Variants in KLF8 observed in about 807,000 individuals in gnomAD.
KLF8 encodes KLF transcription factor 8.
KLF8 carries 10 observed loss-of-function variants against 18.2 expected under a neutral mutation model. The ratio of observed to expected loss-of-function variants is 0.55; its 90% CI spans 0.34 to 0.93. The LOEUF is 0.93. Ranked by LOEUF, KLF8 falls within the 40% of genes least tolerant of loss-of-function variation. The probability of loss-of-function intolerance (pLI) is 0.02; values close to 1 mark genes in which losing one functional copy is unlikely to be tolerated. For synonymous variants in KLF8, 109 were observed against 97.3 expected, an observed-to-expected ratio of 1.12 and a Z score of -0.71; for missense variants, 264 against 277.9, an observed-to-expected ratio of 0.95 and a Z score of 0.36.
chrX:56,284,067 T>C (rs1338936488), intron 5 of KLF8, among the ~76,000 whole-genome samples: 1 of 112,314 alleles, frequency 8.9e-6, no homozygotes, highest in Non-Finnish European at 1.9e-5. Context: ...ATATAGGTAA[T>C]ATGTATGTTA....
chrX:56,083,427 A>G, the KLF8 span, among the ~76,000 whole-genome samples: 2 of 112,319 alleles, frequency 1.8e-5, no homozygotes, highest in African/African-American at 6.5e-5. Flanking sequence ...TATTTTATAC[A>G]GTAAATTAAT....
the KLF8 span, among the ~76,000 whole-genome samples, chrX:55,990,952 C>A: frequency 8.9e-6 from 1 of 112,411 alleles, no homozygotes; most frequent in African/African-American, 3.2e-5. Flanking sequence ...GGGTCAGGGA[C>A]CCACTTGAGG....
chrX:56,058,309 T>C, the KLF8 span, among the ~76,000 whole-genome samples: 34 of 79,180 alleles, frequency 4.3e-4, no homozygotes, highest in Non-Finnish European at 7.8e-4. Context: ...TATATATATA[T>C]ATATATATAT....
chrX:56,019,695 A>G, the KLF8 span, among the ~76,000 whole-genome samples: 9 of 112,228 alleles, frequency 8.0e-5, no homozygotes, highest in African/African-American at 2.6e-4. Flanking sequence ...TATAGAAGTA[A>G]TAGTAGACTT....
chrX:56,003,240 G>GAAAAAC, the KLF8 span, among the ~76,000 whole-genome samples: 1 of 109,055 alleles, frequency 9.2e-6, no homozygotes, highest in Admixed American at 9.8e-5. Context: ...AAAATACAAA[G>GAAAAAC]AAAAACAAAA....
At chrX:56,161,960 C>T in the KLF8 span, among the ~76,000 whole-genome samples, 5 of 111,644 alleles carry the variant, frequency 4.5e-5, no homozygotes, top group East Asian at 2.8e-4. Context: ...TGTGGATGTC[C>T]CTTCTGTTTG....
chrX:56,174,459 G>C, the KLF8 span, among the ~76,000 whole-genome samples: 1 of 111,834 alleles, frequency 8.9e-6, no homozygotes, highest in Non-Finnish European at 1.9e-5. Flanking sequence ...CTTGATCATG[G>C]TTGATAAGCT....
the KLF8 span, among the ~76,000 whole-genome samples, chrX:56,093,529 A>G: frequency 1.8e-3 from 205 of 110,915 alleles, no homozygotes; most frequent in African/African-American, 6.1e-3. Flanking sequence ...ATGCCAATAG[A>G]CCTGCCTTAC....
chrX:56,136,014 A>G, the KLF8 span, among the ~76,000 whole-genome samples: 122 of 111,658 alleles, frequency 1.1e-3, no homozygotes, highest in Non-Finnish European at 1.9e-4. Flanking sequence ...CTTCAAAGAG[A>G]ATAAAATACC....
At chrX:56,045,173 T>G in the KLF8 span, among the ~76,000 whole-genome samples, 1,330 of 111,605 alleles carry the variant, frequency 0.012, 18 homozygotes, top group African/African-American at 0.042. Context: ...TCACTTTATG[T>G]TTTTGTTTGT....
At chrX:56,115,947 T>C in the KLF8 span, among the ~76,000 whole-genome samples, 1 of 112,681 alleles carries the variant, frequency 8.9e-6, no homozygotes, top group African/African-American at 3.2e-5. Context: ...TTCTGTTCCA[T>C]GTGAAAGCTA....
the KLF8 span, among the ~76,000 whole-genome samples, chrX:55,956,414 C>A: frequency 9.0e-6 from 1 of 110,851 alleles, no homozygotes; most frequent in South Asian, 3.8e-4. Context: ...TGTATATACA[C>A]CCAAAAGTGA....
the KLF8 span, among the ~76,000 whole-genome samples, chrX:56,220,046 A>G: frequency 8.9e-6 from 1 of 112,190 alleles, no homozygotes; most frequent in Non-Finnish European, 1.9e-5. Flanking sequence ...TTTGATAGCT[A>G]TTATTATTAG....
At chrX:56,011,023 G>A in the KLF8 span, among the ~76,000 whole-genome samples, 1 of 111,938 alleles carries the variant, frequency 8.9e-6, no homozygotes, top group Admixed American at 9.4e-5. Flanking sequence ...ATAATACTGG[G>A]AGAGTTTTAC....
the KLF8 span, among the ~76,000 whole-genome samples, chrX:56,104,666 C>T: frequency 9.0e-6 from 1 of 111,459 alleles, no homozygotes; most frequent in East Asian, 2.8e-4. Flanking sequence ...AAAAAACCAG[C>T]TCCTGGATTC....
At chrX:55,908,488 T>C in the KLF8 span, 1 of 295,757 alleles carries the variant, frequency 3.4e-6, no homozygotes, top group East Asian at 4.8e-5. Context: ...AAGAAAACCA[T>C]TGCTCTTGAT....
the KLF8 span, among the ~76,000 whole-genome samples, chrX:56,150,840 G>A: frequency 4.5e-5 from 5 of 111,424 alleles, no homozygotes; most frequent in African/African-American, 1.6e-4. Flanking sequence ...TGAAAGGAGG[G>A]TTTTTTGCTG....
At chrX:56,195,113 CAA>C in the KLF8 span, among the ~76,000 whole-genome samples, 13 of 112,208 alleles carry the variant, frequency 1.2e-4, 1 homozygote, top group Admixed American at 1.2e-3. Flanking sequence ...GATAAAACCA[CAA>C]AGAGGAGGAG....
At chrX:55,997,954 G>C in the KLF8 span, among the ~76,000 whole-genome samples, 1 of 111,369 alleles carries the variant, frequency 9.0e-6, no homozygotes, top group African/African-American at 3.3e-5. Flanking sequence ...TTGATCATTC[G>C]TGGGTGTTTC....
Sources: allele counts gnomAD v4.1 joint callset (sites outside exome capture counted in the v4.1 genomes callset), GRCh38; gene constraint gnomAD v4.1.1; transcripts MANE v1.5; gene names NCBI Gene and HGNC (gene_info 2026-07-23, HGNC 2026-07-21).